Variants in CYB5R2 observed in about 807,000 individuals in gnomAD.
The protein encoded by CYB5R2 is cytochrome b5 reductase 2.
A neutral mutation model predicts 29.8 loss-of-function variants in CYB5R2; 35 were observed. The ratio of observed to expected loss-of-function variants is 1.17; its 90% CI spans 0.90 to 1.56. CYB5R2 has a LOEUF of 1.56. Among genes scored for constraint, CYB5R2 ranks in the 40% most tolerant of loss-of-function variants. CYB5R2 has a pLI of 0.00. For missense variants in CYB5R2, 419 were observed against 346.7 expected, an observed-to-expected ratio of 1.21 and a Z score of -1.66; for synonymous variants, 169 against 130.6, an observed-to-expected ratio of 1.29 and a Z score of -2.01.
upstream of CYB5R2, chr11:7,673,829 A>T: frequency 1.0e-6 from 1 of 986,842 alleles, no homozygotes; most frequent in Non-Finnish European, 1.2e-6. Context: ...GCCGACGGGG[A>T]ACCGGCCGAG....
At chr11:7,669,129 G>A in intron 5 of CYB5R2, 76 bp downstream of exon 5, 1 of 1,561,004 alleles carries the variant, frequency 6.4e-7, no homozygotes, top group South Asian at 1.1e-5. Context: ...CAAATCTGAG[G>A]AGTGTACGAG....
intron 4 of CYB5R2, 56 bp from the exon 5 acceptor site, chr11:7,669,390 T>A: frequency 6.4e-7 from 1 of 1,559,856 alleles, no homozygotes; most frequent in South Asian, 1.2e-5. Flanking sequence ...CACAGCCACG[T>A]ACAACTAGAA....
At chr11:7,673,331 G>T in intron 1 of CYB5R2, 88 bp downstream of exon 1, 1 of 1,021,064 alleles carries the variant, frequency 9.8e-7, no homozygotes, top group Non-Finnish European at 1.2e-6. Context: ...AGGGCCTGGG[G>T]ACTCCCCAAC....
intron 7 of CYB5R2, 81 bp downstream of exon 7, chr11:7,667,647 A>G: frequency 7.7e-7 from 1 of 1,305,174 alleles, no homozygotes; most frequent in Admixed American, 1.7e-5. Flanking sequence ...GCATGAGCTC[A>G]GTCAATGCAG....
chr11:7,668,419 C>T (rs1855487961), intron 6 of CYB5R2, 59 bp downstream of exon 6: 1 of 1,336,526 alleles, frequency 7.5e-7, no homozygotes. Flanking sequence ...CAAATGACTC[C>T]CAAGTCAGAA....
intron 8 of CYB5R2, chr11:7,665,752 G>T: frequency 1.5e-6 from 2 of 1,346,598 alleles, no homozygotes; most frequent in South Asian, 1.4e-5. Context: ...CAGGCTCACT[G>T]CAGGGACCCT....
upstream of CYB5R2, chr11:7,673,732 C>T (rs963722646): frequency 9.1e-6 from 9 of 986,370 alleles, no homozygotes; most frequent in African/African-American, 1.6e-4. Flanking sequence ...AGTGAGACGC[C>T]CAACACGTCG....
intron 3 of CYB5R2, chr11:7,672,247 GT>G: frequency 1.8e-6 from 1 of 561,202 alleles, no homozygotes; most frequent in East Asian, 2.9e-5. Flanking sequence ...TACCACTCTC[GT>G]GTCAGCCCAA....
chr11:7,670,843 T>C (rs1014932572), intron 3 of CYB5R2: 3 of 152,250 alleles, frequency 2.0e-5, no homozygotes, highest in African/African-American at 7.2e-5. Context: ...TTTGTAACCC[T>C]AACCCTTGAC....
At chr11:7,666,177 C>T (rs927290847) in intron 8 of CYB5R2, 49 of 598,006 alleles carry the variant, frequency 8.2e-5, no homozygotes, top group Non-Finnish European at 1.4e-4. Flanking sequence ...TGGGTGTTCA[C>T]AGTGGACAGG....
chr11:7,665,551 A>G lies in CYB5R2; in HGVS notation c.659-5T>C. On this transcript the variant is annotated splice_polypyrimidine_tract_variant and splice_region_variant and intron_variant, in intron 8 of 8. Coordinates refer to ENST00000299498, the MANE Select transcript of CYB5R2 (RefSeq NM_016229.5). ...AGCCTGAGCTGTACTTCCAGCCTGA[A>G]ATGAAGGAGATGCAGGAGCAAGCTG... The G allele has an allele frequency of 6.3e-7, 1 of 1,597,202 alleles. No individual in the cohort carries two copies. Among genetic ancestry groups the G allele is most frequent in the Non-Finnish European group, 8.5e-7 (1 of 1,173,208 alleles).
Position 7,667,790 on chromosome 11 carries a change from T to C in CYB5R2, c.496A>G (p.Ile166Val). Residue 166 changes from isoleucine (I) to valine (V), a missense_variant, in exon 7 of 9, where the codon ATT becomes GTT. Physicochemically the swap from Ile to Val is conservative, Grantham distance 29. Transcript: ENST00000299498. ...CTGGGGTCCTTGGTGATGTGGCGAATGAGCTGCAACATGGGTGTGATGCCT... is the reference window on the plus strand; with the variant it reads ...CTGGGGTCCTTGGTGATGTGGCGAACGAGCTGCAACATGGGTGTGATGCCT... ...GTGITPMLQL[I>V]RHITKDPSDR... 1 of 1,613,980 alleles carries C rather than the reference T, an allele frequency of 6.2e-7. No individual in the cohort carries two copies.
intron 6 of CYB5R2, 72 bp downstream of exon 6, chr11:7,668,406 G>A: frequency 8.4e-7 from 1 of 1,187,666 alleles, no homozygotes; most frequent in East Asian, 2.3e-5. Flanking sequence ...TCCCTTAGAG[G>A]ATCAAATGAC....
intron 1 of CYB5R2, 172 bp downstream of exon 1, chr11:7,673,247 A>G (rs994211715): frequency 5.6e-6 from 3 of 536,934 alleles, no homozygotes; most frequent in Non-Finnish European, 7.9e-6. Context: ...CCCCTAACAC[A>G]CAATCCGGAA....
chr11:7,666,062 AGGTGAGGTGGGCGGTAAGG>A (rs1159259095), intron 8 of CYB5R2: 8 of 711,268 alleles, frequency 1.1e-5, no homozygotes, highest in East Asian at 5.4e-5. Context: ...CAGCATGTCC[AGGTGAGGTGGGCGGTAAGG>A]GGTGTGGTGG....
rs532965025 is a variant in CYB5R2, at chr11:7,667,573, T to C, written c.558+155A>G. 2.0e-5 allele frequency: 14 copies of C among 699,542 alleles called. No homozygotes were observed. In the African/African-American group the frequency reaches 2.1e-4, roughly 11 times the overall value. 43.3% of individuals were successfully genotyped at this position (699,542 alleles called of 1,614,324 possible). A position where few individuals can be genotyped will look rare whatever the true frequency, so the allele number is the denominator to read the frequency against. Reference sequence around the variant, plus strand: ...GCAAAAAGCAGGCCTGGACTCAGCTTCTCCAGCTGCCAGCAGCCCTGTTGA... The same window carrying C: ...GCAAAAAGCAGGCCTGGACTCAGCTCCTCCAGCTGCCAGCAGCCCTGTTGA... On this transcript the variant is annotated intron_variant, in intron 7 of 8. Coordinates refer to ENST00000299498, the MANE Select transcript of CYB5R2 (RefSeq NM_016229.5).
rs776617123 is a variant in CYB5R2, at chr11:7,665,408, A to T, written c.797T>A (p.Leu266Gln). ...GAAAATCATGTCCTGGGTATAACCCAGCTTCTCCAGGTTAGGGTGAGCCGC... is the reference window on the plus strand; with the variant it reads ...GAAAATCATGTCCTGGGTATAACCCTGCTTCTCCAGGTTAGGGTGAGCCGC... ...QTAAHPNLEK[L>Q]GYTQDMIFTY The change falls in exon 9 of 9, where the codon CTG becomes CAG. Residue 266 changes from leucine to glutamine, a missense_variant. Physicochemically the swap from Leu to Gln is moderately radical, Grantham distance 113. Transcript: ENST00000299498. 1.2e-6 allele frequency: 2 copies of T among 1,604,536 alleles called. No homozygotes were observed. The highest frequency in any genetic ancestry group is 2.2e-5 in the South Asian group (2 of 89,102).
rs201392326 is a variant in CYB5R2 at position 7,667,739 on chromosome 11, A to C, written c.547T>G (p.Phe183Val). ...CAGCAGGAACTGACCTGGTTGGCAA[A>C]GATGAGGGACATCCTGGTCCTGTCA... is the stretch of plus-strand genomic sequence containing the variant. The part of the protein sequence containing the change: ...PSDRTRMSLI[F>V]ANQTEEDILV... The change falls in exon 7 of 9, where the codon TTT (phenylalanine) becomes GTT (valine). Residue 183 changes from phenylalanine to valine, a missense_variant. By Grantham distance (50) the Phe-to-Val change is conservative. Transcript: ENST00000299498. 1.2e-6 allele frequency: 2 copies of C among 1,614,116 alleles called. No homozygotes were observed. Among genetic ancestry groups the C allele is most frequent in the African/African-American group, 2.7e-5 (2 of 75,056 alleles).
intron 7 of CYB5R2, 180 bp from the exon 8 acceptor site, chr11:7,666,730 T>C: frequency 2.0e-6 from 1 of 510,478 alleles, no homozygotes; most frequent in East Asian, 3.4e-5. Context: ...ACCCTTTGTT[T>C]TGTGGATGAA....
Sources: allele counts gnomAD v4.1 joint callset, GRCh38; gene constraint gnomAD v4.1.1; transcripts MANE v1.5; gene names NCBI Gene and HGNC (gene_info 2026-07-23, HGNC 2026-07-21).